FRK: variants seen among roughly 807,000 people sequenced by gnomAD.
The protein encoded by FRK is tyrosine-protein kinase FRK.
In FRK, 51 loss-of-function variants were observed where a neutral mutation model predicts 56.4. The ratio of observed to expected loss-of-function variants is 0.90; its 90% CI spans 0.72 to 1.14. The LOEUF is 1.14. FRK is among the 50% of genes most tolerant of loss of function. The probability of loss-of-function intolerance (pLI) is 0.00; values close to 1 mark genes in which losing one functional copy is unlikely to be tolerated. For synonymous variants in FRK, 245 were observed against 217.9 expected (o/e 1.12, Z -1.10); for missense variants, 570 against 601.4 (o/e 0.95, Z 0.55).
chr6:116,060,331 G>A lies in FRK; in HGVS notation c.-20C>T. On this transcript the variant is annotated 5_prime_UTR_variant, in exon 1 of 8. Transcript: ENST00000606080. The stretch of plus-strand genomic sequence containing the variant: ...GCTCATTGTGCCTTGGTGGGGAGAA[G>A]AGGAGCAGGGCTTCTCCCTCTCCCC... The A allele has an allele frequency of 6.3e-7, 1 of 1,590,540 alleles. No homozygotes were observed. Among genetic ancestry groups the A allele is most frequent in the Non-Finnish European group, 8.6e-7 (1 of 1,163,150 alleles).
intron 1 of FRK, among the ~76,000 whole-genome samples, chr6:116,052,541 C>T (rs1405734870): frequency 6.6e-6 from 1 of 152,102 alleles, no homozygotes; most frequent in Admixed American, 6.5e-5. Flanking sequence ...CCATAGTTTA[C>T]AGCACTGCAG....
the FRK span, among the ~76,000 whole-genome samples, chr6:116,078,338 T>G: frequency 5.3e-5 from 8 of 152,178 alleles, no homozygotes; most frequent in Non-Finnish European, 1.2e-4. Flanking sequence ...AATAGTCTCC[T>G]GGGAACAGTC....
chr6:116,092,505 C>T, the FRK span, among the ~76,000 whole-genome samples: 8 of 152,174 alleles, frequency 5.3e-5, no homozygotes, highest in South Asian at 2.1e-4. Context: ...CAATTTTTCT[C>T]GGTCCTCTTT....
chr6:116,078,512 CA>C, the FRK span, among the ~76,000 whole-genome samples: 1 of 152,116 alleles, frequency 6.6e-6, no homozygotes, highest in African/African-American at 2.4e-5. Context: ...TTAATGGGGT[CA>C]GGGGTAGTGT....
At chr6:116,082,762 A>G in the FRK span, among the ~76,000 whole-genome samples, 1 of 152,212 alleles carries the variant, frequency 6.6e-6, no homozygotes, top group Non-Finnish European at 1.5e-5. Context: ...TAGATCTCCA[A>G]ATGGAGATGT....
chr6:115,938,651 TC>T lies in FRK; in HGVS notation c.*3762del, dbSNP rs1772092805. 2 of 152,054 alleles carry T rather than the reference TC, an allele frequency of 1.3e-5. No individual in the cohort carries two copies. Among genetic ancestry groups the T allele is most frequent in the Non-Finnish European group, 2.9e-5 (2 of 68,000 alleles). 9.4% of individuals were successfully genotyped at this position (152,054 alleles called of 1,614,324 possible). A position where few individuals can be genotyped will look rare whatever the true frequency, so the allele number is the denominator to read the frequency against. The stretch of plus-strand genomic sequence containing the variant: ...ATGATAAAGCGGAGATCACCACTGA[TC>T]CCACAGAAATACAAAATACCATCAG... On this transcript the variant is annotated 3_prime_UTR_variant, in exon 8 of 8. Coordinates refer to ENST00000606080, the MANE Select transcript of FRK (RefSeq NM_002031.3).
At chr6:116,096,122 G>A in the FRK span, among the ~76,000 whole-genome samples, 1 of 152,198 alleles carries the variant, frequency 6.6e-6, no homozygotes, top group Non-Finnish European at 1.5e-5. Context: ...AACCACAAAT[G>A]AGCTCAACTA....
In FRK at chr6:115,942,305, G is replaced by C; in HGVS notation, c.*109C>G. ...CATGGCCAACTTTATCCTATCACTTGAATATGTCAGGATAAACTGATTGTG... is the reference window on the plus strand; with the variant it reads ...CATGGCCAACTTTATCCTATCACTTCAATATGTCAGGATAAACTGATTGTG... On this transcript the variant is annotated 3_prime_UTR_variant, in exon 8 of 8. Coordinates refer to ENST00000606080, the MANE Select transcript of FRK (RefSeq NM_002031.3). 2 of 893,462 alleles carry C rather than the reference G, an allele frequency of 2.2e-6. No homozygotes were observed. The highest frequency in any genetic ancestry group is 3.2e-5 in the South Asian group (2 of 61,856). The allele number at this position is 893,462 out of a possible 1,614,324, so 55.3% of individuals were successfully genotyped here.
intron 4 of FRK, among the ~76,000 whole-genome samples, chr6:115,959,313 GT>G (rs955809139): frequency 1.3e-5 from 2 of 151,418 alleles, no homozygotes; most frequent in African/African-American, 2.4e-5. Context: ...AACTATCGTG[GT>G]TTTTTTTTAA....
At chr6:116,038,953 A>G (rs1023846620) in intron 1 of FRK, 2 of 673,220 alleles carry the variant, frequency 3.0e-6, no homozygotes, top group African/African-American at 3.6e-5. Context: ...CAGAACTGCT[A>G]CAAAGTAACT....
chr6:116,004,039 A>T (rs770700465), intron 1 of FRK, 41 bp from the exon 2 acceptor site: 2 of 1,578,780 alleles, frequency 1.3e-6, no homozygotes, highest in African/African-American at 2.7e-5. Context: ...ACCAATTAAC[A>T]TTCATTTTTT....
intron 2 of FRK, among the ~76,000 whole-genome samples, chr6:115,997,477 C>A (rs778785825): frequency 6.6e-6 from 1 of 151,986 alleles, no homozygotes; most frequent in Non-Finnish European, 1.5e-5. Context: ...TGTATGTTCA[C>A]TCATATGTGT....
intron 1 of FRK, among the ~76,000 whole-genome samples, chr6:116,035,479 A>G (rs1471698259): frequency 6.6e-6 from 1 of 152,102 alleles, no homozygotes; most frequent in Non-Finnish European, 1.5e-5. Flanking sequence ...CATATCCATC[A>G]AAAACACACA....
chr6:115,983,086 A>AT (rs397830135), intron 2 of FRK, among the ~76,000 whole-genome samples: 1 of 150,048 alleles, frequency 6.7e-6, no homozygotes, highest in Admixed American at 6.7e-5. Context: ...AAAAAAAAAA[A>AT]TCTGTTGAAT....
the FRK span, among the ~76,000 whole-genome samples, chr6:116,089,719 C>A: frequency 6.6e-6 from 1 of 152,140 alleles, no homozygotes; most frequent in African/African-American, 2.4e-5. Context: ...TGGATCTGGG[C>A]CCACCTTAAA....
intron 2 of FRK, among the ~76,000 whole-genome samples, chr6:115,975,837 T>C (rs186640024): frequency 2.5e-3 from 386 of 152,312 alleles, no homozygotes; most frequent in Non-Finnish European, 3.7e-3. Context: ...ACCTGTCAAC[T>C]GATGAATCTA....
intron 1 of FRK, among the ~76,000 whole-genome samples, chr6:116,036,396 T>C (rs1776481347): frequency 6.6e-6 from 1 of 152,164 alleles, no homozygotes; most frequent in Admixed American, 6.5e-5. Context: ...CCCCTATTTC[T>C]ATACATGGTA....
intron 1 of FRK, among the ~76,000 whole-genome samples, chr6:116,051,777 G>A (rs1291377555): frequency 6.6e-6 from 1 of 152,130 alleles, no homozygotes; most frequent in Non-Finnish European, 1.5e-5. Flanking sequence ...AGAGAAATTA[G>A]TAGTTAATTA....
At chr6:116,076,008 A>C in the FRK span, among the ~76,000 whole-genome samples, 1 of 152,168 alleles carries the variant, frequency 6.6e-6, no homozygotes, top group East Asian at 1.9e-4. Context: ...TCTTCCTGGA[A>C]ATTCCTTCTG....
Sources: gnomAD v4.1 joint callset for allele counts (sites outside exome capture counted in the v4.1 genomes callset) on GRCh38, gnomAD v4.1.1 for gene constraint, MANE v1.5 for transcripts, NCBI Gene and HGNC (gene_info 2026-07-23, HGNC 2026-07-21) for gene names.